The following TSBP1 variants were observed in gnomAD, a reference collection of about 807,000 sequenced individuals.
TSBP1 encodes the protein testis-expressed basic protein 1.
Under a neutral mutation model 68.8 loss-of-function variants are expected in TSBP1, and 56 were observed. The observed-to-expected ratio is 0.81, with a 90% CI of 0.66 to 1.02. TSBP1 has a LOEUF of 1.02. Ranked by LOEUF, TSBP1 falls within the 50% of genes least tolerant of loss-of-function variation. TSBP1 has a pLI of 0.00. For missense variants in TSBP1, 502 were observed against 641.2 expected (o/e 0.78, Z 2.34); for synonymous variants, 171 against 208.7 (o/e 0.82, Z 1.56).
intron 22 of TSBP1, among the ~76,000 whole-genome samples, chr6:32,297,285 G>C (rs1764813849): frequency 6.6e-6 from 1 of 152,186 alleles, no homozygotes; most frequent in African/African-American, 2.4e-5. Flanking sequence ...ATTGCAGGCA[G>C]TAGCCCATAC....
chr6:32,308,430 C>T (rs1765996631), intron 19 of TSBP1, among the ~76,000 whole-genome samples: 1 of 150,582 alleles, frequency 6.6e-6, no homozygotes, highest in Non-Finnish European at 1.5e-5. Flanking sequence ...AACCCCGTCT[C>T]TACTAAAAAT....
Position 32,321,182 on chromosome 6 carries a change from T to C in TSBP1, c.559+1935A>G, listed in dbSNP as rs1166085633. ...TGTCTTTATGATAGAATGGTTTATA[T>C]TCCTTTGAGTCTATACCCAGTAATG... On this transcript the variant is annotated intron_variant, in intron 18 of 22. Transcript: ENST00000612031. The surrounding 1 kb of genome is among the most constrained non-coding windows in gnomAD (Gnocchi z 4.3). 2.6e-5 allele frequency among the ~76,000 whole-genome samples: 4 copies of C among 152,192 alleles called. No individual in the cohort carries two copies. Among genetic ancestry groups the C allele is most frequent in the Non-Finnish European group, 4.4e-5 (3 of 68,030 alleles).
chr6:32,332,098 G>T (rs996587476), intron 14 of TSBP1, 44 bp from the exon 16 acceptor site: 22 of 1,450,034 alleles, frequency 1.5e-5, no homozygotes, highest in Non-Finnish European at 2.0e-5. Context: ...GTTATTTGGA[G>T]AGTGTATTTT....
intron 6 of TSBP1, among the ~76,000 whole-genome samples, chr6:32,363,823 T>C (rs1773340704): frequency 6.6e-6 from 1 of 152,122 alleles, no homozygotes; most frequent in Non-Finnish European, 1.5e-5. Flanking sequence ...ATATTTACCT[T>C]ACCAGTGAAT....
rs1206458253 is a variant in TSBP1 at position 32,337,683 on chromosome 6, TAC to T, written c.410-1050_410-1049del. On this transcript the variant is annotated intron_variant, in intron 11 of 22. Coordinates refer to ENST00000612031, the Ensembl canonical transcript of TSBP1. The surrounding 1 kb of genome is among the most constrained non-coding windows in gnomAD (Gnocchi z 5.5). ...TTATGACCACACACACACATACACA[TAC>T]ACACACACACACCCCACCACACCTC... Among the ~76,000 whole-genome samples, 2 of 151,288 alleles carry T rather than the reference TAC, an allele frequency of 1.3e-5. No individual in the cohort carries two copies. Among genetic ancestry groups the T allele is most frequent in the Non-Finnish European group, 3.0e-5 (2 of 67,724 alleles).
rs563917683 is a variant in TSBP1 at position 32,316,692 on chromosome 6, A to G, written c.560-900T>C. On this transcript the variant is annotated intron_variant, in intron 18 of 22. Coordinates refer to ENST00000612031, the Ensembl canonical transcript of TSBP1. The surrounding 1 kb of genome is among the most constrained non-coding windows in gnomAD (Gnocchi z 4.5). ...TAATTCTATAGGAGGTGCAAAGTAC[A>G]TATGTGTTTGAAATCATGTAAATGT... 6.6e-6 allele frequency among the ~76,000 whole-genome samples: 1 copy of G among 152,354 alleles called. No individual in the cohort carries two copies. Among genetic ancestry groups the G allele is most frequent in the African/African-American group, 2.4e-5 (1 of 41,578 alleles).
rs1314304544 is a variant in TSBP1 at position 32,338,529 on chromosome 6, G to C, written c.409+450C>G. On this transcript the variant is annotated intron_variant, in intron 11 of 22. Transcript: ENST00000612031. The surrounding 1 kb of genome is among the most constrained non-coding windows in gnomAD (Gnocchi z 5.5). The stretch of plus-strand genomic sequence containing the variant: ...AAATTCTATCTGGATACTTATTTCA[G>C]ATTTATTCTTTGTTCATAACAGGGG... 2.0e-5 allele frequency among the ~76,000 whole-genome samples: 3 copies of C among 152,046 alleles called. No homozygotes were observed. Among genetic ancestry groups the C allele is most frequent in the Non-Finnish European group, 4.4e-5 (3 of 68,034 alleles).
intron 8 of TSBP1, among the ~76,000 whole-genome samples, chr6:32,351,169 G>C (rs1771672491): frequency 6.6e-6 from 1 of 152,172 alleles, no homozygotes; most frequent in Admixed American, 6.5e-5. Context: ...TTGTAGTTAG[G>C]TGTGGCTATA....
intron 16 of TSBP1, among the ~76,000 whole-genome samples, chr6:32,328,237 C>T (rs922776109): frequency 2.6e-5 from 4 of 151,376 alleles, no homozygotes; most frequent in East Asian, 4.0e-4. Context: ...CCACTGCGCC[C>T]GGCCTCATTT....
chr6:32,366,273 C>T, exon 5 of TSBP1: 1 of 1,597,424 alleles, frequency 6.3e-7, no homozygotes, highest in East Asian at 2.2e-5. Flanking sequence ...AATAATTTAC[C>T]ACTTTGTGTT....
In TSBP1 at chr6:32,335,532, T is replaced by A. The variant is rs1381667285; in HGVS notation, c.452-75A>T. ...ATACTTTTTATTTATATACTTTAAT[T>A]TGTATACTTTCCCTAGTAGGAATCT... On this transcript the variant is annotated intron_variant, in intron 13 of 22. Transcript: ENST00000612031. This position sits in a 1 kb window ranked among gnomAD's most constrained non-coding sequence, Gnocchi z 5.5. 1 of 1,056,424 alleles carries A rather than the reference T, an allele frequency of 9.5e-7. No individual in the cohort carries two copies. Among genetic ancestry groups the A allele is most frequent in the Non-Finnish European group, 1.2e-6 (1 of 809,624 alleles). The allele number at this position is 1,056,424 out of a possible 1,614,324, so 65.4% of individuals were successfully genotyped here.
At chr6:32,320,115 C>T (rs776525192) in intron 18 of TSBP1, 1 of 454,918 alleles carries the variant, frequency 2.2e-6, no homozygotes, top group Non-Finnish European at 4.4e-6. Context: ...TTAGTAGTTT[C>T]TTATTCCTTG....
chr6:32,295,817 G>GTAATACAA (rs1764648569), intron 22 of TSBP1, among the ~76,000 whole-genome samples: 1 of 151,166 alleles, frequency 6.6e-6, no homozygotes, highest in Non-Finnish European at 1.5e-5. Flanking sequence ...TTACAGGAGT[G>GTAATACAA]GTTAATTGTA....
intron 19 of TSBP1, among the ~76,000 whole-genome samples, chr6:32,309,408 A>G (rs956660246): frequency 3.3e-5 from 5 of 152,096 alleles, no homozygotes; most frequent in Non-Finnish European, 5.9e-5. Flanking sequence ...AACTCCCTGA[A>G]GTATGTCCCT....
chr6:32,361,314 A>G lies in TSBP1; in HGVS notation c.217+4853T>C, dbSNP rs1772996898. ...TTTGGGTTGGTTCCAAGTCTTTGCT[A>G]TTGTGAATAGTGCCACAATAAACAC... On this transcript the variant is annotated intron_variant, in intron 6 of 22. Transcript: ENST00000612031. This position sits in a 1 kb window ranked among gnomAD's most constrained non-coding sequence, Gnocchi z 4.3. Among the ~76,000 whole-genome samples, 1 of 152,072 alleles carries G rather than the reference A, an allele frequency of 6.6e-6. No individual in the cohort carries two copies. Among genetic ancestry groups the G allele is most frequent in the African/African-American group, 2.4e-5 (1 of 41,380 alleles).
exon 23 of TSBP1, chr6:32,293,206 C>T: frequency 6.2e-7 from 1 of 1,612,750 alleles, no homozygotes; most frequent in South Asian, 1.1e-5. Context: ...AACTCTCCTT[C>T]TTTTCTTGGG....
intron 19 of TSBP1, among the ~76,000 whole-genome samples, chr6:32,310,761 A>ATATATATATATTTTTTTTT: frequency 1.4e-5 from 2 of 144,834 alleles, no homozygotes; most frequent in Admixed American, 1.4e-4. Context: ...ATATATATAT[A>ATATATATATATTTTTTTTT]TTTTTAATCT....
chr6:32,302,541 T>G lies in TSBP1; in HGVS notation c.601+68A>C, dbSNP rs933175771. On this transcript the variant is annotated intron_variant, in intron 20 of 22. Transcript: ENST00000612031. This position sits in a 1 kb window ranked among gnomAD's most constrained non-coding sequence, Gnocchi z 5.1. ...ACAAACATAAAACATTAAAAACATT[T>G]GTAGAAAAAATTTGCTCACCCCAGC... The G allele has an allele frequency of 1.9e-4, 187 of 973,538 alleles. 3 individuals are homozygous for G. Among genetic ancestry groups the G allele is most frequent in the Non-Finnish European group, 2.0e-5 (12 of 612,556 alleles). 60.3% of individuals were successfully genotyped at this position (973,538 alleles called of 1,614,324 possible). A position where few individuals can be genotyped will look rare whatever the true frequency, so the allele number is the denominator to read the frequency against.
Position 32,315,870 on chromosome 6 carries a change from G to A in TSBP1, c.560-78C>T. The A allele has an allele frequency of 1.0e-6, 1 of 980,866 alleles. No individual in the cohort carries two copies. The highest frequency in any genetic ancestry group is 1.5e-6 in the Non-Finnish European group (1 of 664,142). 60.8% of individuals were successfully genotyped at this position (980,866 alleles called of 1,614,324 possible). A position where few individuals can be genotyped will look rare whatever the true frequency, so the allele number is the denominator to read the frequency against. ...ATAGCATTATCTAACATATTTTGTT[G>A]GAGTCTGTGAGGGGAGGACTTGTGT... On this transcript the variant is annotated intron_variant, in intron 18 of 22. Coordinates refer to ENST00000612031, the Ensembl canonical transcript of TSBP1. The surrounding 1 kb of genome is among the most constrained non-coding windows in gnomAD (Gnocchi z 5.4).
Sources: gnomAD v4.1 joint callset for allele counts (sites outside exome capture counted in the v4.1 genomes callset) on GRCh38, gnomAD v4.1.1 for gene constraint, Gnocchi (gnomAD v3.1) non-coding constraint, MANE v1.5 for transcripts, NCBI Gene and HGNC (gene_info 2026-07-23, HGNC 2026-07-21) for gene names.